Variants in PTPRT observed in about 807,000 individuals in gnomAD.
PTPRT encodes protein tyrosine phosphatase receptor type T.
A neutral mutation model predicts 176.8 loss-of-function variants in PTPRT; 56 were observed. That is an observed-to-expected ratio of 0.32 (90% CI 0.26 to 0.40). PTPRT has a LOEUF of 0.40. PTPRT is among the 10% of genes least tolerant of loss of function. The pLI is 1.00. For synonymous variants in PTPRT, 783 were observed against 739.0 expected (o/e 1.06, Z -0.96); for missense variants, 1,540 against 1,908.2 (o/e 0.81, Z 3.60).
intron 9 of PTPRT, among the ~76,000 whole-genome samples, chr20:42,415,947 G>C (rs977403875): frequency 1.3e-5 from 2 of 152,162 alleles, no homozygotes; most frequent in African/African-American, 4.8e-5. Flanking sequence ...CATGTATATA[G>C]CACAAACTTG....
intron 7 of PTPRT, among the ~76,000 whole-genome samples, chr20:42,537,516 T>C (rs1420418302): frequency 2.0e-5 from 3 of 152,136 alleles, no homozygotes; most frequent in Non-Finnish European, 4.4e-5. Flanking sequence ...GAAAGGGAAA[T>C]TATGTTTTTA....
chr20:42,252,400 T>C (rs914884651), intron 13 of PTPRT, among the ~76,000 whole-genome samples: 1 of 152,116 alleles, frequency 6.6e-6, no homozygotes, highest in Non-Finnish European at 1.5e-5. Context: ...GAAATCACCC[T>C]GGGAAAGAAT....
chr20:42,767,602 C>T (rs917272224), intron 5 of PTPRT, among the ~76,000 whole-genome samples: 9 of 150,434 alleles, frequency 6.0e-5, no homozygotes, highest in African/African-American at 2.2e-4. Flanking sequence ...GAAGTGTTTA[C>T]ATCTATAAGG....
At chr20:42,553,513 A>T (rs940972615) in intron 7 of PTPRT, among the ~76,000 whole-genome samples, 2 of 150,774 alleles carry the variant, frequency 1.3e-5, no homozygotes, top group African/African-American at 4.9e-5. Flanking sequence ...TCTGTCACTG[A>T]CTTTTACCTT....
rs140864247 is a variant in PTPRT, at chr20:42,181,627, C to T, written c.2491+17613G>A. ...ATGCATAAGATCAGTTGACTGAATA[C>T]TGAATAGTGAAAGTGAACCATTGTG... is the stretch of plus-strand genomic sequence containing the variant. On this transcript the variant is annotated intron_variant, in intron 16 of 30. Transcript: ENST00000373187. Among the ~76,000 whole-genome samples the T allele has an allele frequency of 1.6e-4, 24 of 152,230 alleles. No individual in the cohort carries two copies. The East Asian group carries it at 4.6e-3, about 29-fold the overall frequency.
intron 1 of PTPRT, among the ~76,000 whole-genome samples, chr20:42,944,767 C>T (rs150686712): frequency 8.5e-5 from 13 of 152,300 alleles, no homozygotes; most frequent in Non-Finnish European, 1.2e-4. Flanking sequence ...CAGTTGAAGA[C>T]TATCTGCATT....
At chr20:42,528,090 C>T (rs1431060454) in intron 7 of PTPRT, among the ~76,000 whole-genome samples, 1 of 152,130 alleles carries the variant, frequency 6.6e-6, no homozygotes, top group African/African-American at 2.4e-5. Flanking sequence ...TAAATTTGAA[C>T]CATTTTCCAA....
At chr20:42,478,435 C>T (rs1213796373) in intron 7 of PTPRT, among the ~76,000 whole-genome samples, 1 of 152,118 alleles carries the variant, frequency 6.6e-6, no homozygotes, top group Non-Finnish European at 1.5e-5. Context: ...GCACCATGTC[C>T]ATCCTGAAGT....
intron 1 of PTPRT, among the ~76,000 whole-genome samples, chr20:43,126,533 G>T (rs1475766811): frequency 6.6e-6 from 1 of 152,098 alleles, no homozygotes; most frequent in Non-Finnish European, 1.5e-5. Context: ...AATTTTCAGT[G>T]GATGAGTTCA....
chr20:43,121,785 A>C (rs927721776), intron 1 of PTPRT, among the ~76,000 whole-genome samples: 12 of 152,206 alleles, frequency 7.9e-5, no homozygotes, highest in African/African-American at 2.7e-4. Context: ...TTGATGCTAA[A>C]CTTGAGTAGG....
intron 15 of PTPRT, among the ~76,000 whole-genome samples, chr20:42,206,586 A>G (rs1476716820): frequency 2.0e-5 from 3 of 152,174 alleles, no homozygotes; most frequent in African/African-American, 7.2e-5. Flanking sequence ...GGCTTAAAAA[A>G]CGGCGAACCA....
At chr20:42,728,205 C>T (rs1468608874) in intron 6 of PTPRT, among the ~76,000 whole-genome samples, 1 of 152,166 alleles carries the variant, frequency 6.6e-6, no homozygotes, top group Admixed American at 6.5e-5. Flanking sequence ...AAGCCAGTGC[C>T]TCTCAAATTT....
In PTPRT at chr20:42,886,058, T is replaced by C. The variant is rs528788286; in HGVS notation, c.89-126A>G. On this transcript the variant is annotated intron_variant, in intron 1 of 30. Coordinates refer to ENST00000373187, the MANE Select transcript of PTPRT (RefSeq NM_007050.6). The stretch of plus-strand genomic sequence containing the variant: ...CTCTGGAGAAGATTTTCCATATATA[T>C]ATATATATATATAAAAGATGAGCAA... 33 of 370,822 alleles carry C rather than the reference T, an allele frequency of 8.9e-5. 3 individuals are homozygous for C. Among genetic ancestry groups the C allele is most frequent in the Non-Finnish European group, 1.2e-4 (30 of 256,610 alleles). 23.0% of individuals were successfully genotyped at this position (370,822 alleles called of 1,614,324 possible). A position where few individuals can be genotyped will look rare whatever the true frequency, so the allele number is the denominator to read the frequency against.
chr20:42,197,507 G>A (rs955850787), intron 16 of PTPRT, among the ~76,000 whole-genome samples: 1 of 151,522 alleles, frequency 6.6e-6, no homozygotes, highest in Non-Finnish European at 1.5e-5. Flanking sequence ...ATTGGATCCT[G>A]GATTAAAATA....
At chr20:42,428,878 T>C (rs1287630639) in intron 9 of PTPRT, among the ~76,000 whole-genome samples, 1 of 152,150 alleles carries the variant, frequency 6.6e-6, no homozygotes, top group African/African-American at 2.4e-5. Context: ...AAGCCAAGGC[T>C]AGATCCAGAC....
At chr20:42,770,461 T>C (rs1319974968) in intron 5 of PTPRT, among the ~76,000 whole-genome samples, 2 of 152,226 alleles carry the variant, frequency 1.3e-5, no homozygotes, top group Non-Finnish European at 2.9e-5. Flanking sequence ...TTTAGTTCTA[T>C]GTGTCGCCCT....
At chr20:43,000,444 G>T (rs1370600155) in intron 1 of PTPRT, among the ~76,000 whole-genome samples, 2 of 151,970 alleles carry the variant, frequency 1.3e-5, no homozygotes, top group Admixed American at 1.3e-4. Context: ...TTATAAGTTT[G>T]CTGTGTGACA....
chr20:42,119,921 G>C lies in PTPRT; in HGVS notation c.2884+14C>G. ...AAGCCTCTCTGAGGCACTAGGTGGA[G>C]GGAGGGCACTTACCTTGAGTCGCAA... On this transcript the variant is annotated intron_variant, in intron 20 of 30. Transcript: ENST00000373187. The C allele has an allele frequency of 6.2e-7, 1 of 1,606,720 alleles. No individual in the cohort carries two copies. Among genetic ancestry groups the C allele is most frequent in the Non-Finnish European group, 8.5e-7 (1 of 1,176,054 alleles).
At chr20:42,568,207 T>A (rs1488749282) in intron 7 of PTPRT, among the ~76,000 whole-genome samples, 1 of 152,110 alleles carries the variant, frequency 6.6e-6, no homozygotes, top group East Asian at 1.9e-4. Context: ...GACCTTGTGA[T>A]CTACCTGCCT....
Sources: allele counts gnomAD v4.1 joint callset (sites outside exome capture counted in the v4.1 genomes callset), GRCh38; gene constraint gnomAD v4.1.1; transcripts MANE v1.5; gene names NCBI Gene and HGNC (gene_info 2026-07-23, HGNC 2026-07-21).